ITPK1: variants seen among roughly 807,000 people sequenced by gnomAD.
The protein encoded by ITPK1 is inositol 1,3,4-trisphosphate 5/6-kinase.
In ITPK1, 21 loss-of-function variants were observed where a neutral mutation model predicts 45.3. The observed-to-expected ratio is 0.46, with a 90% CI of 0.33 to 0.67. ITPK1 has a LOEUF of 0.67. ITPK1 is among the 30% of genes least tolerant of loss of function. The pLI is 0.02. For missense variants in ITPK1, 474 were observed against 573.5 expected (o/e 0.83, Z 1.77); for synonymous variants, 258 against 253.6 (o/e 1.02, Z -0.16).
Position 92,938,225 on chromosome 14 carries a change from T to C in ITPK1, c.*3336A>G, listed in dbSNP as rs1393289744. Reference sequence around the variant, plus strand: ...CACCTGCCTCAGCCTCCCTAAGTGCTGGGATGACAGGCGTGAGCCGCCATG... The same window carrying C: ...CACCTGCCTCAGCCTCCCTAAGTGCCGGGATGACAGGCGTGAGCCGCCATG... On this transcript the variant is annotated 3_prime_UTR_variant, in exon 11 of 11. Coordinates refer to ENST00000267615, the MANE Select transcript of ITPK1 (RefSeq NM_014216.6). 8.7e-6 allele frequency: 5 copies of C among 574,656 alleles called. No homozygotes were observed. The highest frequency in any genetic ancestry group is 1.2e-5 in the Non-Finnish European group (4 of 324,230). 35.6% of individuals were successfully genotyped at this position (574,656 alleles called of 1,614,324 possible). A position where few individuals can be genotyped will look rare whatever the true frequency, so the allele number is the denominator to read the frequency against.
chr14:93,056,274 T>C (rs1890211560), intron 3 of ITPK1, among the ~76,000 whole-genome samples: 1 of 152,112 alleles, frequency 6.6e-6, no homozygotes, highest in South Asian at 2.1e-4. Context: ...GGGAGGACGG[T>C]GGCAAACACC....
intron 3 of ITPK1, among the ~76,000 whole-genome samples, chr14:93,033,716 C>T (rs1452524317): frequency 6.6e-6 from 1 of 152,126 alleles, no homozygotes; most frequent in Non-Finnish European, 1.5e-5. Context: ...GAGACAGACA[C>T]ACACCCACTG....
At chr14:93,004,176 TGAGG>T (rs1887493810) in intron 4 of ITPK1, among the ~76,000 whole-genome samples, 1 of 151,890 alleles carries the variant, frequency 6.6e-6, no homozygotes. Context: ...CCACCACAGG[TGAGG>T]GAGGGAGGCC....
At chr14:92,970,808 T>C (rs1417060031) in intron 5 of ITPK1, among the ~76,000 whole-genome samples, 1 of 152,160 alleles carries the variant, frequency 6.6e-6, no homozygotes, top group Non-Finnish European at 1.5e-5. Context: ...AATTTTTTCA[T>C]ATTTTTTTAG....
intron 4 of ITPK1, among the ~76,000 whole-genome samples, chr14:92,997,835 C>T (rs1205897638): frequency 1.3e-5 from 2 of 152,218 alleles, no homozygotes; most frequent in Non-Finnish European, 2.9e-5. Context: ...GGCAGAGCGT[C>T]ACGGTGCCCA....
rs913433020 is a variant in ITPK1, at chr14:93,063,065, C to T, written c.120+13530G>A. 6.6e-6 allele frequency among the ~76,000 whole-genome samples: 1 copy of T among 152,176 alleles called. No individual in the cohort carries two copies. On this transcript the variant is annotated intron_variant, in intron 3 of 10. Coordinates refer to ENST00000267615, the MANE Select transcript of ITPK1 (RefSeq NM_014216.6). The surrounding 1 kb of genome is among the most constrained non-coding windows in gnomAD (Gnocchi z 4.3). ...CAGTAAATGTGCGCCCCCACCCCAC[C>T]CCCATCTCCCATCTCTCTCCCACGC...
At chr14:93,075,096 G>A (rs1452141856) in intron 3 of ITPK1, among the ~76,000 whole-genome samples, 1 of 152,078 alleles carries the variant, frequency 6.6e-6, no homozygotes, top group Admixed American at 6.6e-5. Context: ...GAAGGCCGAG[G>A]TGGGTGGATC....
rs894880675 is a variant in ITPK1 at position 93,032,125 on chromosome 14, G to A, written c.121-15324C>T. ...AGCACTTTAGGAGGCTGGGGCGGGCGGATCACTTGGGGTCAGGAGTTTGCA... is the reference window on the plus strand; with the variant it reads ...AGCACTTTAGGAGGCTGGGGCGGGCAGATCACTTGGGGTCAGGAGTTTGCA... On this transcript the variant is annotated intron_variant, in intron 3 of 10. Transcript: ENST00000267615. The surrounding 1 kb of genome is among the most constrained non-coding windows in gnomAD (Gnocchi z 4.0). 5.3e-5 allele frequency among the ~76,000 whole-genome samples: 8 copies of A among 152,072 alleles called. No homozygotes were observed. The highest frequency in any genetic ancestry group is 2.6e-4 in the Admixed American group (4 of 15,282).
chr14:93,050,304 C>T lies in ITPK1; in HGVS notation c.120+26291G>A, dbSNP rs529522609. ...GATCGGCTGCCTCATCTCCAATTCCCGTGTGTGGGGTGAGAGGAGGTACTT... is the reference window on the plus strand; with the variant it reads ...GATCGGCTGCCTCATCTCCAATTCCTGTGTGTGGGGTGAGAGGAGGTACTT... On this transcript the variant is annotated intron_variant, in intron 3 of 10. Transcript: ENST00000267615. Among the ~76,000 whole-genome samples, 3 of 152,274 alleles carry T rather than the reference C, an allele frequency of 2.0e-5. 1 individual carries two copies. The highest frequency in any genetic ancestry group is 4.1e-4 in the South Asian group (2 of 4,830).
chr14:93,092,420 A>G (rs933045519), intron 2 of ITPK1, among the ~76,000 whole-genome samples: 1 of 152,304 alleles, frequency 6.6e-6, no homozygotes, highest in East Asian at 1.9e-4. Context: ...ATGTCAGCAC[A>G]TGGCTACACG....
At chr14:93,023,255 T>A (rs10150807) in intron 3 of ITPK1, among the ~76,000 whole-genome samples, 20,598 of 152,244 alleles carry the variant, frequency 0.14, 1,576 homozygotes, top group South Asian at 0.27. Flanking sequence ...ATGTGACTCG[T>A]TCTGGCCAAT....
chr14:93,020,530 C>T (rs1888413694), intron 3 of ITPK1, among the ~76,000 whole-genome samples: 1 of 152,320 alleles, frequency 6.6e-6, no homozygotes, highest in Non-Finnish European at 1.5e-5. Context: ...TCTCAACTCA[C>T]CTCAGCCCAA....
At chr14:93,078,606 T>C (rs1329317276) in intron 2 of ITPK1, among the ~76,000 whole-genome samples, 1 of 152,058 alleles carries the variant, frequency 6.6e-6, no homozygotes, top group Non-Finnish European at 1.5e-5. Context: ...CTTCCACGGT[T>C]TCATGAGGGA....
intron 2 of ITPK1, among the ~76,000 whole-genome samples, chr14:93,080,009 C>A (rs1183097415): frequency 6.6e-6 from 1 of 152,148 alleles, no homozygotes; most frequent in Non-Finnish European, 1.5e-5. Context: ...AATTAAACTT[C>A]CCCCAAGAGG....
rs1887962913 is a variant in ITPK1 at position 93,012,435 on chromosome 14, T to A, written c.246+4241A>T. 6.6e-6 allele frequency among the ~76,000 whole-genome samples: 1 copy of A among 152,118 alleles called. No homozygotes were observed. On this transcript the variant is annotated intron_variant, in intron 4 of 10. Coordinates refer to ENST00000267615, the MANE Select transcript of ITPK1 (RefSeq NM_014216.6). The surrounding 1 kb of genome is among the most constrained non-coding windows in gnomAD (Gnocchi z 4.9). ...CACACATCAGAGCCTGGGCAGCTGC[T>A]GAGGGGGCCAGGGAAGGAGCGGGTG...
At chr14:93,048,774 C>T (rs1889889149) in intron 3 of ITPK1, among the ~76,000 whole-genome samples, 1 of 152,136 alleles carries the variant, frequency 6.6e-6, no homozygotes, top group Non-Finnish European at 1.5e-5. Flanking sequence ...CACCATGAAA[C>T]CCCATCTCTA....
intron 4 of ITPK1, among the ~76,000 whole-genome samples, chr14:92,997,806 A>G (rs1425733375): frequency 6.6e-6 from 1 of 152,188 alleles, no homozygotes; most frequent in Non-Finnish European, 1.5e-5. Context: ...TGCCAGGATG[A>G]GGGCTGGAAC....
intron 9 of ITPK1, among the ~76,000 whole-genome samples, chr14:92,948,536 C>A (rs1213866295): frequency 6.6e-6 from 1 of 152,012 alleles, no homozygotes; most frequent in Non-Finnish European, 1.5e-5. Context: ...CAGGGTCTCA[C>A]TATCTTTCCC....
rs1245309046 is a variant in ITPK1 at position 92,938,617 on chromosome 14, T to A, written c.*2944A>T. On this transcript the variant is annotated 3_prime_UTR_variant, in exon 11 of 11. Transcript: ENST00000267615. ...GCAGGCCCAGGCACAGGAAGCCCCA[T>A]GGAACCTGCCAGGTTGCAGCTGGGT... is the stretch of plus-strand genomic sequence containing the variant. 1.4e-5 allele frequency: 15 copies of A among 1,088,518 alleles called. No homozygotes were observed. The highest frequency in any genetic ancestry group is 2.0e-5 in the Non-Finnish European group (14 of 717,828). 67.4% of individuals were successfully genotyped at this position (1,088,518 alleles called of 1,614,324 possible). A position where few individuals can be genotyped will look rare whatever the true frequency, so the allele number is the denominator to read the frequency against.
Sources: allele counts gnomAD v4.1 joint callset (sites outside exome capture counted in the v4.1 genomes callset), GRCh38; gene constraint gnomAD v4.1.1; non-coding constraint Gnocchi (gnomAD v3.1); transcripts MANE v1.5; gene names NCBI Gene and HGNC (gene_info 2026-07-23, HGNC 2026-07-21).